MMP28: variants seen among roughly 807,000 people sequenced by gnomAD.
MMP28 encodes matrix metalloproteinase-28.
A neutral mutation model predicts 60.5 loss-of-function variants in MMP28; 55 were observed. That is an observed-to-expected ratio of 0.91 (90% CI 0.73 to 1.14). The LOEUF is 1.14. Ranked by LOEUF, MMP28 falls within the 50% of genes most tolerant of loss-of-function variation. The pLI is 0.00. For missense variants in MMP28, 686 were observed against 738.3 expected (o/e 0.93, Z 0.82); for synonymous variants, 318 against 312.5 (o/e 1.02, Z -0.18).
intron 1 of MMP28, among the ~76,000 whole-genome samples, chr17:35,787,585 G>T (rs1555610775): frequency 6.6e-6 from 1 of 152,102 alleles, no homozygotes; most frequent in Non-Finnish European, 1.5e-5. Flanking sequence ...CCGCCTCCTG[G>T]GCACAAGCGA....
rs146307755 is a variant in MMP28 at position 35,766,564 on chromosome 17, C to G, written c.1499G>C (p.Arg500Pro). 6.2e-7 allele frequency: 1 copy of G among 1,610,584 alleles called. No homozygotes were observed. Among genetic ancestry groups the G allele is most frequent in the Non-Finnish European group, 8.5e-7 (1 of 1,179,084 alleles). The change falls in exon 8 of 8, where the codon CGC (arginine) becomes CCC (proline). Residue 500 changes from arginine (R) to proline (P), a missense_variant. Coordinates refer to ENST00000605424, the MANE Select transcript of MMP28 (RefSeq NM_024302.5). This position sits in a 1 kb window ranked among gnomAD's most constrained non-coding sequence, Gnocchi z 4.3. ...QAKLQATTSG[R>P]WATELPWMGC... ...CATCCAGGGCAGCTCGGTGGCCCAG[C>G]GGCCCGAGGTGGTTGCCTGCAGTTT...
chr17:35,761,051 C>T (rs1555601401), downstream of MMP28: 11 of 1,330,346 alleles, frequency 8.3e-6, no homozygotes, highest in Non-Finnish European at 1.0e-5. Context: ...AACCTTTTCT[C>T]AGTTACCCAT....
chr17:35,758,740 T>C (rs1300682892), intron 2 of MMP28, among the ~76,000 whole-genome samples: 2 of 152,014 alleles, frequency 1.3e-5, no homozygotes, highest in African/African-American at 4.8e-5. Flanking sequence ...TAAATTCTAG[T>C]GTGCTTTTAT....
In MMP28 at chr17:35,766,803, G is replaced by A. The variant is rs1555603502; in HGVS notation, c.1260C>T (p.Ala420=). Residue 420 remains alanine (A), a synonymous_variant, in exon 8 of 8, where the codon GCC becomes GCT. Transcript: ENST00000605424. This position sits in a 1 kb window ranked among gnomAD's most constrained non-coding sequence, Gnocchi z 4.3. Reference sequence around the variant, plus strand: ...GGCGCAGAGGAGGGAAGAAGAGGGCGGCGTCAGGATGGCGGGGCAGGCCCC... The same window carrying A: ...GGCGCAGAGGAGGGAAGAAGAGGGCAGCGTCAGGATGGCGGGGCAGGCCCC... ...RAGGLPRHPD[A]ALFFPPLRRL... The A allele has an allele frequency of 2.5e-6, 4 of 1,573,912 alleles. No homozygotes were observed. Among genetic ancestry groups the A allele is most frequent in the South Asian group, 1.2e-5 (1 of 85,772 alleles).
chr17:35,764,663 C>G (rs2085900470), downstream of MMP28: 3 of 1,521,566 alleles, frequency 2.0e-6, no homozygotes, highest in Admixed American at 2.4e-5. Context: ...TTTCCTGGCC[C>G]CAGACCCCCT....
chr17:35,776,695 G>A (rs549157018), intron 3 of MMP28, among the ~76,000 whole-genome samples: 29 of 151,958 alleles, frequency 1.9e-4, no homozygotes, highest in African/African-American at 2.9e-4. Context: ...AGACCAGCCC[G>A]GACAACATGG....
At chr17:35,782,554 T>C (rs185345668) in intron 1 of MMP28, among the ~76,000 whole-genome samples, 3 of 152,252 alleles carry the variant, frequency 2.0e-5, no homozygotes, top group Non-Finnish European at 2.9e-5. Flanking sequence ...TAACTTTTCA[T>C]AGACTCCTCA....
At chr17:35,783,821 G>T (rs1555609941) in intron 1 of MMP28, among the ~76,000 whole-genome samples, 1 of 152,078 alleles carries the variant, frequency 6.6e-6, no homozygotes, top group African/African-American at 2.4e-5. Context: ...CCTCAGAGGG[G>T]AAGTCCTGGG....
downstream of MMP28, chr17:35,764,334 G>A (rs1555602243): frequency 2.0e-6 from 3 of 1,466,422 alleles, no homozygotes; most frequent in Non-Finnish European, 2.7e-6. Flanking sequence ...AGGTGCCTGC[G>A]CGCTCCTCGA....
In MMP28 at chr17:35,766,702, C is replaced by T. The variant is rs760292726; in HGVS notation, c.1361G>A (p.Arg454Gln). Residue 454 changes from arginine to glutamine, a missense_variant, in exon 8 of 8, where the codon CGA becomes CAA. Transcript: ENST00000605424. This position sits in a 1 kb window ranked among gnomAD's most constrained non-coding sequence, Gnocchi z 4.3. Reference protein sequence around the residue: ...GGLQVEPYYPRSLQDWGGIPE... With the variant: ...GGLQVEPYYPQSLQDWGGIPE... The stretch of plus-strand genomic sequence containing the variant: ...GATGCCTCCCCAGTCCTGCAGACTT[C>T]GGGGGTAGTAGGGCTCCACTTGCAG... 9.3e-6 allele frequency: 15 copies of T among 1,605,602 alleles called. No individual in the cohort carries two copies. The highest frequency in any genetic ancestry group is 1.1e-5 in the South Asian group (1 of 89,868).
At chr17:35,757,142 C>G (rs1200816656) in intron 2 of MMP28, 1 of 150,164 alleles carries the variant, frequency 6.7e-6, no homozygotes, top group Non-Finnish European at 1.5e-5. Context: ...CAGAGGGAGA[C>G]TCTGTCTCAA....
rs545395202 is a variant in MMP28 at position 35,788,301 on chromosome 17, A to C, written c.111+6966T>G. On this transcript the variant is annotated intron_variant, in intron 1 of 7. Transcript: ENST00000605424. ...TCTTGTACTCTTTCTCTAATGCCAA[A>C]TAACTATACCGTATGGACTCATGGT... Among the ~76,000 whole-genome samples, 10 of 152,294 alleles carry C rather than the reference A, an allele frequency of 6.6e-5. No homozygotes were observed. The East Asian group carries it at 1.9e-3, about 29-fold the overall frequency.
intron 3 of MMP28, among the ~76,000 whole-genome samples, chr17:35,775,518 G>A (rs1555607388): frequency 6.6e-6 from 1 of 152,220 alleles, no homozygotes. Context: ...GCAGAACCCT[G>A]GAGTTCCGAC....
At chr17:35,779,402 ATCCTGCCCAGTC>A in intron 1 of MMP28, 79 bp from the exon 2 acceptor site, 1 of 1,161,722 alleles carries the variant, frequency 8.6e-7, no homozygotes. Context: ...GGGCACATAC[ATCCTGCCCAGTC>A]TCACCTCTTG....
At chr17:35,781,797 TTC>T (rs1367557657) in intron 1 of MMP28, among the ~76,000 whole-genome samples, 3 of 152,170 alleles carry the variant, frequency 2.0e-5, no homozygotes, top group South Asian at 2.1e-4. Flanking sequence ...AGAAATAATT[TTC>T]TGTCTTCTTC....
intron 4 of MMP28, among the ~76,000 whole-genome samples, chr17:35,771,743 ATATATATATAT>A (rs1555605812): frequency 5.0e-5 from 4 of 80,268 alleles, no homozygotes; most frequent in African/African-American, 1.4e-4. Flanking sequence ...ATATATATAT[ATATATATATAT>A]AAAATTGTGT....
At position 35,766,242 on chromosome 17, in the gene MMP28, A is replaced by G; in HGVS notation, c.*258T>C. The stretch of plus-strand genomic sequence containing the variant: ...GCCTGGGGAGGATAGAAGTCCTCGG[A>G]GGAAAGGGCCAAGGGATCTGGGACC... On this transcript the variant is annotated 3_prime_UTR_variant, in exon 8 of 8. Transcript: ENST00000605424. This position sits in a 1 kb window ranked among gnomAD's most constrained non-coding sequence, Gnocchi z 4.3. 3.1e-6 allele frequency: 4 copies of G among 1,272,070 alleles called. No individual in the cohort carries two copies. The highest frequency in any genetic ancestry group is 4.0e-6 in the Non-Finnish European group (4 of 1,008,674). 78.8% of individuals were successfully genotyped at this position (1,272,070 alleles called of 1,614,324 possible). A position where few individuals can be genotyped will look rare whatever the true frequency, so the allele number is the denominator to read the frequency against.
At chr17:35,774,958 C>T (rs1555607229) in intron 3 of MMP28, among the ~76,000 whole-genome samples, 1 of 152,142 alleles carries the variant, frequency 6.6e-6, no homozygotes, top group Non-Finnish European at 1.5e-5. Flanking sequence ...CTCTTTCTTT[C>T]CCCTCACAAA....
At chr17:35,785,195 A>G (rs2086612597) in intron 1 of MMP28, among the ~76,000 whole-genome samples, 1 of 152,106 alleles carries the variant, frequency 6.6e-6, no homozygotes, top group African/African-American at 2.4e-5. Context: ...GAGGGTGCAT[A>G]TAGCCTAGCC....
Sources: allele counts gnomAD v4.1 joint callset (sites outside exome capture counted in the v4.1 genomes callset), GRCh38; gene constraint gnomAD v4.1.1; non-coding constraint Gnocchi (gnomAD v3.1); transcripts MANE v1.5; gene names NCBI Gene and HGNC (gene_info 2026-07-23, HGNC 2026-07-21).